The following DNAH12 variants were observed in gnomAD, a reference collection of about 807,000 sequenced individuals.
DNAH12 encodes the protein dynein axonemal heavy chain 12, also known as axonemal beta dynein heavy chain 12.
In DNAH12, 285 loss-of-function variants were observed where a neutral mutation model predicts 371.5. That is an observed-to-expected ratio of 0.77 (90% confidence interval 0.70 to 0.85). The LOEUF is 0.85. Among genes scored for constraint, DNAH12 ranks in the 40% least tolerant of loss-of-function variants. The pLI is 0.00. For missense variants in DNAH12, 3,611 were observed against 3,689.4 expected (o/e 0.98, Z 0.55); for synonymous variants, 1,200 against 1,213.0 (o/e 0.99, Z 0.22).
At chr3:57,332,422 G>A (rs139113699) in intron 62 of DNAH12, among the ~76,000 whole-genome samples, 296 of 152,248 alleles carry the variant, frequency 1.9e-3, no homozygotes, top group African/African-American at 6.8e-3. Context: ...TAAAAAACAG[G>A]CACAATTAAT....
chr3:57,477,790 C>G (rs573106629), intron 13 of DNAH12, among the ~76,000 whole-genome samples: 1 of 152,284 alleles, frequency 6.6e-6, no homozygotes, highest in East Asian at 1.9e-4. Context: ...CTGCAGCAAC[C>G]GCTGCTGATA....
At chr3:57,442,455 C>T (rs1339641285) in intron 29 of DNAH12, among the ~76,000 whole-genome samples, 1 of 152,082 alleles carries the variant, frequency 6.6e-6, no homozygotes, top group East Asian at 1.9e-4. Flanking sequence ...TGGTAAAATA[C>T]TAACTGTAAA....
intron 28 of DNAH12, 26 bp downstream of exon 28, chr3:57,445,148 T>C (rs755962147): frequency 6.7e-7 from 1 of 1,498,736 alleles, no homozygotes. Flanking sequence ...ACTGAAACTT[T>C]CCCAATGTGT....
At chr3:57,492,722 A>G (rs1010893255) in intron 11 of DNAH12, among the ~76,000 whole-genome samples, 3 of 152,164 alleles carry the variant, frequency 2.0e-5, no homozygotes, top group Non-Finnish European at 4.4e-5. Flanking sequence ...TTTCAAAGTT[A>G]ATGAAGCCGG....
intron 54 of DNAH12, 44 bp from the exon 55 acceptor site, chr3:57,375,560 C>T (rs2063264495): frequency 6.6e-6 from 1 of 151,976 alleles, no homozygotes; most frequent in Non-Finnish European, 1.5e-5. Flanking sequence ...ACCTTGTTAA[C>T]TGAAATATTT....
intron 60 of DNAH12, among the ~76,000 whole-genome samples, chr3:57,340,157 G>A (rs1466622687): frequency 2.6e-5 from 4 of 151,868 alleles, no homozygotes; most frequent in African/African-American, 9.7e-5. Flanking sequence ...CATGTTTATA[G>A]CAAGTTTACA....
rs1383223882 is a variant in DNAH12 at position 57,437,490 on chromosome 3, G to C, written c.4546-430C>G. Among the ~76,000 whole-genome samples, 5 of 152,194 alleles carry C rather than the reference G, an allele frequency of 3.3e-5. No homozygotes were observed. The South Asian group carries it at 8.3e-4, about 25-fold the overall frequency. ...GCAAATAAATATATAAAAGAACTCA[G>C]TTTCAGAAAGGGATGATGAGCCTTT... On this transcript the variant is annotated intron_variant, in intron 29 of 73. Coordinates refer to ENST00000495027, the MANE Select transcript of DNAH12 (RefSeq NM_001366028.2).
At chr3:57,503,349 G>T (rs2067626311) in intron 9 of DNAH12, among the ~76,000 whole-genome samples, 1 of 150,602 alleles carries the variant, frequency 6.6e-6, no homozygotes, top group Non-Finnish European at 1.5e-5. Flanking sequence ...ATTATTTACT[G>T]ACAAATAAAT....
chr3:57,395,791 A>T (rs1300407342), intron 43 of DNAH12, among the ~76,000 whole-genome samples: 1 of 151,892 alleles, frequency 6.6e-6, no homozygotes, highest in Non-Finnish European at 1.5e-5. Flanking sequence ...AAAAAATAAA[A>T]AAAATAAAAA....
chr3:57,355,984 T>G (rs1437517021), intron 59 of DNAH12, among the ~76,000 whole-genome samples: 4 of 152,188 alleles, frequency 2.6e-5, no homozygotes, highest in African/African-American at 9.7e-5. Context: ...TTATCCCAAT[T>G]TTATAGATAA....
intron 13 of DNAH12, among the ~76,000 whole-genome samples, chr3:57,476,365 A>C (rs1463117721): frequency 6.6e-6 from 1 of 152,126 alleles, no homozygotes; most frequent in Non-Finnish European, 1.5e-5. Context: ...GGAGTTCGAG[A>C]CCAGCCTGGC....
intron 2 of DNAH12, among the ~76,000 whole-genome samples, chr3:57,538,898 G>A (rs1056210507): frequency 1.3e-5 from 2 of 152,038 alleles, no homozygotes; most frequent in Admixed American, 1.3e-4. Flanking sequence ...AATGTTATAT[G>A]GCACTTAAGC....
rs544447451 is a variant in DNAH12, at chr3:57,323,461, G to A, written c.10129+8C>T. 4 of 1,539,232 alleles carry A rather than the reference G, an allele frequency of 2.6e-6. No individual in the cohort carries two copies. Among genetic ancestry groups the A allele is most frequent in the African/African-American group, 2.8e-5 (2 of 72,300 alleles). Reference sequence around the variant, plus strand: ...GATTTCTTAAAAGTTTACAGTATATGCACTTACTGGCCATAGGATCTGCTC... The same window carrying A: ...GATTTCTTAAAAGTTTACAGTATATACACTTACTGGCCATAGGATCTGCTC... On this transcript the variant is annotated splice_region_variant and intron_variant, in intron 63 of 73. Transcript: ENST00000495027.
intron 62 of DNAH12, among the ~76,000 whole-genome samples, chr3:57,325,516 T>A (rs973511379): frequency 6.6e-6 from 1 of 152,186 alleles, no homozygotes; most frequent in Admixed American, 6.5e-5. Flanking sequence ...GAGGGTCCTG[T>A]CTGTCAGAAG....
the DNAH12 span, among the ~76,000 whole-genome samples, chr3:57,551,059 G>A: frequency 2.0e-5 from 3 of 150,442 alleles, no homozygotes; most frequent in South Asian, 6.3e-4. Flanking sequence ...GTAGAGATGG[G>A]GTTTCACCGT....
chr3:57,310,668 T>G (rs761862606), intron 67 of DNAH12, 49 bp downstream of exon 67: 10 of 1,288,774 alleles, frequency 7.8e-6, no homozygotes, highest in South Asian at 1.3e-5. Context: ...CCATTTGCTG[T>G]TAGAAAAATC....
chr3:57,313,890 G>C (rs475130), intron 66 of DNAH12, among the ~76,000 whole-genome samples: 50,438 of 152,004 alleles, frequency 0.33, 10,390 homozygotes, highest in East Asian at 0.92. Flanking sequence ...CTATGTGGCA[G>C]CCATACAAGC....
chr3:57,306,083 A>G (rs1374967317), intron 69 of DNAH12, among the ~76,000 whole-genome samples: 1 of 152,126 alleles, frequency 6.6e-6, no homozygotes. Context: ...CCACTCCCAG[A>G]GCCCCTGGAA....
At chr3:57,457,140 C>T (rs1186287998) in intron 22 of DNAH12, among the ~76,000 whole-genome samples, 1 of 152,166 alleles carries the variant, frequency 6.6e-6, no homozygotes, top group Non-Finnish European at 1.5e-5. Context: ...ATTATTTATA[C>T]CATAGCCATA....
Sources: gnomAD v4.1 joint callset for allele counts (sites outside exome capture counted in the v4.1 genomes callset) on GRCh38, gnomAD v4.1.1 for gene constraint, MANE v1.5 for transcripts, NCBI Gene and HGNC (gene_info 2026-07-23, HGNC 2026-07-21) for gene names.